Variants in CDH26 observed in about 807,000 individuals in gnomAD.
CDH26 encodes the protein cadherin-like protein 26.
In CDH26, 83 loss-of-function variants were observed where a neutral mutation model predicts 90.3. The observed-to-expected ratio is 0.92, with a 90% CI of 0.77 to 1.10. CDH26 has a LOEUF of 1.10. Among genes scored for constraint, CDH26 ranks in the 50% least tolerant of loss-of-function variants. CDH26 has a pLI of 0.00. For synonymous variants in CDH26, 397 were observed against 396.3 expected (o/e 1.00, Z -0.02); for missense variants, 1,013 against 1,037.6 (o/e 0.98, Z 0.33).
intron 5 of CDH26, among the ~76,000 whole-genome samples, chr20:59,983,411 T>C (rs568959153): frequency 6.6e-6 from 1 of 152,198 alleles, no homozygotes; most frequent in Non-Finnish European, 1.5e-5. Context: ...CACGATCACA[T>C]CTATAGCCTC....
intron 7 of CDH26, among the ~76,000 whole-genome samples, chr20:59,985,501 A>C (rs548607192): frequency 6.6e-6 from 1 of 152,200 alleles, no homozygotes; most frequent in East Asian, 1.9e-4. Context: ...ACCAGATCTC[A>C]TGTGAACTCA....
In CDH26 at chr20:59,972,079, T is replaced by C. The variant is rs2061269395; in HGVS notation, c.349T>C (p.Tyr117His). ...AGAAGATCATGAGAACGGAAGGATATATGTTCACCGCCCTGTCGATCGAGA... is the reference window on the plus strand; with the variant it reads ...AGAAGATCATGAGAACGGAAGGATACATGTTCACCGCCCTGTCGATCGAGA... ...SLEDHENGRIYVHRPVDREMT... is the reference protein window; with the variant it reads ...SLEDHENGRIHVHRPVDREMT... The change falls in exon 4 of 18, where the codon TAT (tyrosine) becomes CAT (histidine). Residue 117 changes from tyrosine to histidine, a missense_variant. Transcript: ENST00000348616. 6.2e-7 allele frequency: 1 copy of C among 1,614,002 alleles called. No homozygotes were observed. The highest frequency in any genetic ancestry group is 1.1e-5 in the South Asian group (1 of 91,082).
chr20:60,034,458 C>T (rs2062068308), downstream of CDH26, among the ~76,000 whole-genome samples: 1 of 152,170 alleles, frequency 6.6e-6, no homozygotes, highest in Admixed American at 6.5e-5. Context: ...GGAATGTTCC[C>T]TGGCCCTGCC....
intron 2 of CDH26, among the ~76,000 whole-genome samples, chr20:59,969,505 C>T (rs989441504): frequency 2.0e-5 from 3 of 152,182 alleles, no homozygotes; most frequent in African/African-American, 7.2e-5. Flanking sequence ...ACCAACTTCA[C>T]TTATAATAGA....
chr20:60,009,172 G>A (rs116709948), intron 17 of CDH26, among the ~76,000 whole-genome samples: 2,086 of 152,280 alleles, frequency 0.014, 58 homozygotes, highest in African/African-American at 0.047. Context: ...CAGACAAGTT[G>A]CTCCAATGGT....
rs762999415 is a variant in CDH26, at chr20:59,982,933, A to T, written c.404A>T (p.Asp135Val). 14 of 1,613,250 alleles carry T rather than the reference A, an allele frequency of 8.7e-6. No individual in the cohort carries two copies. The highest frequency in any genetic ancestry group is 1.2e-5 in the Non-Finnish European group (14 of 1,179,712). Residue 135 changes from aspartate to valine, a missense_variant, in exon 5 of 18, where the codon GAT becomes GTT. Physicochemically the swap from Asp to Val is radical, Grantham distance 152 (BLOSUM62 -3). Coordinates refer to ENST00000348616, the MANE Select transcript of CDH26 (RefSeq NM_177980.4). ...CTCTCTGCTTCCTAGGTTTATTTTGATGTTGTGGAGCGCTCAACAGGAAAA... is the reference window on the plus strand; with the variant it reads ...CTCTCTGCTTCCTAGGTTTATTTTGTTGTTGTGGAGCGCTCAACAGGAAAA... ...EMTPSFTVYF[D>V]VVERSTGKIV...
chr20:59,997,382 C>A (rs1015886037), intron 13 of CDH26, among the ~76,000 whole-genome samples: 17 of 152,272 alleles, frequency 1.1e-4, no homozygotes, highest in African/African-American at 3.4e-4. Context: ...TTAGCTTCAT[C>A]ATTTAACCCT....
At chr20:59,979,349 C>A (rs1325047147) in intron 4 of CDH26, among the ~76,000 whole-genome samples, 1 of 152,004 alleles carries the variant, frequency 6.6e-6, no homozygotes, top group Non-Finnish European at 1.5e-5. Flanking sequence ...CAGGCGCCTG[C>A]CACCATGCAA....
At chr20:60,008,323 A>ATATG (rs1438694967) in intron 17 of CDH26, among the ~76,000 whole-genome samples, 2 of 152,158 alleles carry the variant, frequency 1.3e-5, no homozygotes, top group African/African-American at 4.8e-5. Flanking sequence ...AGGTGCTGTC[A>ATATG]TATGCCTTTT....
chr20:59,959,583 A>T (rs1302779208), intron 1 of CDH26, among the ~76,000 whole-genome samples: 5 of 151,830 alleles, frequency 3.3e-5, no homozygotes, highest in Admixed American at 1.3e-4. Flanking sequence ...TATTTTTATT[A>T]GAGACAGGGT....
chr20:60,013,506 T>C lies in CDH26; in HGVS notation c.*776T>C, dbSNP rs557927191. ...TTTCAGGGGAAGAAATGGTTTCTTT[T>C]AAAAATCTTAATAGGGGACATATGC... On this transcript the variant is annotated 3_prime_UTR_variant, in exon 18 of 18. Transcript: ENST00000348616. The C allele has an allele frequency of 6.6e-6, 1 of 152,344 alleles. No individual in the cohort carries two copies. Among genetic ancestry groups the C allele is most frequent in the South Asian group, 2.1e-4 (1 of 4,830 alleles). The allele number at this position is 152,344 out of a possible 1,614,324, so 9.4% of individuals were successfully genotyped here.
intron 3 of CDH26, among the ~76,000 whole-genome samples, chr20:59,971,653 G>A (rs1414986887): frequency 2.0e-5 from 3 of 152,210 alleles, no homozygotes; most frequent in African/African-American, 7.2e-5. Context: ...TTCCGTGGCA[G>A]TGTAAATACA....
At chr20:59,970,821 T>C (rs1378388420) in intron 3 of CDH26, among the ~76,000 whole-genome samples, 3 of 142,522 alleles carry the variant, frequency 2.1e-5, no homozygotes, top group Non-Finnish European at 4.5e-5. Flanking sequence ...AATAAATAAA[T>C]AAATAAATAA....
chr20:59,983,718 G>C (rs1036002937), intron 5 of CDH26, among the ~76,000 whole-genome samples: 56 of 152,046 alleles, frequency 3.7e-4, no homozygotes, highest in African/African-American at 1.3e-3. Flanking sequence ...AATTACAAAT[G>C]CATATTTGTA....
chr20:60,023,665 T>C (rs1569069520), intron 7 of CDH26, among the ~76,000 whole-genome samples: 2 of 152,042 alleles, frequency 1.3e-5, no homozygotes, highest in Admixed American at 6.5e-5. Context: ...TGAGCAAGAA[T>C]GAAAGGAAAC....
At chr20:59,996,340 T>A (rs2061596471) in intron 12 of CDH26, 3 of 1,443,460 alleles carry the variant, frequency 2.1e-6, no homozygotes, top group African/African-American at 2.9e-5. Context: ...GACAGCAATG[T>A]ACAGATATTC....
intron 1 of CDH26, among the ~76,000 whole-genome samples, chr20:59,965,565 G>C (rs194979): frequency 2.0e-5 from 3 of 152,016 alleles, no homozygotes; most frequent in African/African-American, 7.3e-5. Flanking sequence ...TTGAATGTCC[G>C]GCTTTAAAGA....
intron 17 of CDH26, among the ~76,000 whole-genome samples, chr20:60,008,175 G>A (rs2061779773): frequency 1.3e-5 from 2 of 152,186 alleles, no homozygotes; most frequent in Admixed American, 1.3e-4. Flanking sequence ...CACAAAGGAA[G>A]ACATAAATGT....
At chr20:60,000,608 T>C (rs2426866) in intron 14 of CDH26, among the ~76,000 whole-genome samples, 24,672 of 152,214 alleles carry the variant, frequency 0.16, 4,881 homozygotes, top group African/African-American at 0.47. Flanking sequence ...TGCCTCATCT[T>C]ATTGAATTTT....
Sources: allele counts gnomAD v4.1 joint callset (sites outside exome capture counted in the v4.1 genomes callset), GRCh38; gene constraint gnomAD v4.1.1; transcripts MANE v1.5; gene names NCBI Gene and HGNC (gene_info 2026-07-23, HGNC 2026-07-21).